The following STK25 variants were observed in gnomAD, a reference collection of about 807,000 sequenced individuals.
STK25 encodes serine/threonine-protein kinase 25.
Under a neutral mutation model 53.8 loss-of-function variants are expected in STK25, and 29 were observed. The observed-to-expected ratio is 0.54, with a 90% CI of 0.40 to 0.74. STK25 has a LOEUF of 0.74. Ranked by LOEUF, STK25 falls within the 30% of genes least tolerant of loss-of-function variation. STK25 has a pLI of 0.00. For missense variants in STK25, 420 were observed against 568.0 expected, an observed-to-expected ratio of 0.74 and a Z score of 2.65; for synonymous variants, 247 against 238.3, an observed-to-expected ratio of 1.04 and a Z score of -0.33.
chr2:241,499,007 G>T lies in STK25; in HGVS notation c.753C>A (p.Leu251=). 6.2e-7 allele frequency: 1 copy of T among 1,613,932 alleles called. No homozygotes were observed. Among genetic ancestry groups the T allele is most frequent in the South Asian group, 1.1e-5 (1 of 91,090 alleles). The change falls in exon 7 of 12, where the codon CTC becomes CTA. Residue 251 remains leucine (L), a synonymous_variant. Coordinates refer to ENST00000316586, the MANE Select transcript of STK25 (RefSeq NM_001271977.2). Reference sequence around the variant, plus strand: ...GCCTTACGAATCGGGGGTCTTTGTTGAGGCAGGCCTCCACGAACTCCTTGA... The same window carrying T: ...GCCTTACGAATCGGGGGTCTTTGTTTAGGCAGGCCTCCACGAACTCCTTGA... The part of the protein sequence containing the change: ...KPFKEFVEAC[L]NKDPRFRPTA...
At position 241,493,730 on chromosome 2, in the gene STK25, G is replaced by T. The variant is rs1485369023; in HGVS notation, c.*1932C>A. On this transcript the variant is annotated 3_prime_UTR_variant, in exon 12 of 12. Transcript: ENST00000316586. ...CTGCCTCAGCCTCCTGAGTAACTGA[G>T]ATTACAGGCATGCACGCCACGCCGC... 1.9e-6 allele frequency: 1 copy of T among 512,836 alleles called. No homozygotes were observed. The highest frequency in any genetic ancestry group is 3.5e-6 in the Non-Finnish European group (1 of 287,932). 31.8% of individuals were successfully genotyped at this position (512,836 alleles called of 1,614,324 possible). A position where few individuals can be genotyped will look rare whatever the true frequency, so the allele number is the denominator to read the frequency against.
chr2:241,497,886 C>CT (rs1317597505), intron 9 of STK25, among the ~76,000 whole-genome samples, 199 bp from the exon 10 acceptor site: 3 of 151,620 alleles, frequency 2.0e-5, no homozygotes, highest in African/African-American at 7.3e-5. Flanking sequence ...TCTCCTGACT[C>CT]TGAGGGCCTG....
intron 5 of STK25, chr2:241,499,812 C>A (rs1441825539): frequency 4.4e-6 from 2 of 458,086 alleles, no homozygotes; most frequent in East Asian, 8.9e-5. Context: ...TGGCAAGTCC[C>A]TCCCCATGGG....
chr2:241,503,812 C>T (rs915973315), intron 2 of STK25, among the ~76,000 whole-genome samples: 13 of 152,044 alleles, frequency 8.6e-5, no homozygotes, highest in South Asian at 4.2e-4. Context: ...CTGCGGAGAC[C>T]GTGCCCACCA....
Position 241,501,501 on chromosome 2 carries a change from G to T in STK25, c.238C>A (p.Arg80Ser), listed in dbSNP as rs771755240. Residue 80 changes from arginine to serine, a missense_variant, in exon 3 of 12, where the codon CGC becomes AGC. Transcript: ENST00000316586. The surrounding 1 kb of genome is among the most constrained non-coding windows in gnomAD (Gnocchi z 5.3). Reference protein sequence around the residue: ...LSQCDSPYITRYFGSYLKSTK... With the variant: ...LSQCDSPYITSYFGSYLKSTK... ...ACCTTTAGGTAGGAGCCAAAGTAGC[G>T]GGTGATGTAGGGGCTGTCGCACTGA... The T allele has an allele frequency of 6.2e-7, 1 of 1,614,040 alleles. No homozygotes were observed. Among genetic ancestry groups the T allele is most frequent in the Non-Finnish European group, 8.5e-7 (1 of 1,180,012 alleles).
chr2:241,508,682 T>C (rs2066007814), upstream of STK25: 2 of 985,586 alleles, frequency 2.0e-6, no homozygotes, highest in African/African-American at 3.5e-5. Flanking sequence ...GGAAGCCTGC[T>C]GGCGTTGGAC....
At chr2:241,508,328 G>A (rs1348934097) in intron 1 of STK25, 115 bp downstream of exon 1, 3 of 1,210,800 alleles carry the variant, frequency 2.5e-6, no homozygotes, top group Non-Finnish European at 3.1e-6. Flanking sequence ...CTCTTCCAAG[G>A]CAGCTTCCTC....
intron 2 of STK25, among the ~76,000 whole-genome samples, chr2:241,502,418 T>A (rs945136742): frequency 6.6e-6 from 1 of 152,072 alleles, no homozygotes; most frequent in Non-Finnish European, 1.5e-5. Context: ...TTACTTAATT[T>A]GTTATAAATC....
At chr2:241,506,801 G>T (rs965300186) in intron 2 of STK25, among the ~76,000 whole-genome samples, 6 of 152,128 alleles carry the variant, frequency 3.9e-5, no homozygotes, top group African/African-American at 1.4e-4. Context: ...TAAACTGGTG[G>T]CAGATTTTTC....
chr2:241,498,169 C>A, intron 9 of STK25, 66 bp downstream of exon 9: 1 of 1,446,924 alleles, frequency 6.9e-7, no homozygotes, highest in South Asian at 1.1e-5. Context: ...AAAGCTGGGT[C>A]CCGCATCCAG....
Position 241,494,442 on chromosome 2 carries a change from AC to A in STK25, c.*1219del, listed in dbSNP as rs1395482708. ...GCCTGAGCAGTGCTCTCGGCATCGG[AC>A]CAAAGCCTGGGCACACCCTGCCTCT... On this transcript the variant is annotated 3_prime_UTR_variant, in exon 12 of 12. Transcript: ENST00000316586. The surrounding 1 kb of genome is among the most constrained non-coding windows in gnomAD (Gnocchi z 4.9). The A allele has an allele frequency of 9.8e-6, 2 of 204,792 alleles. No individual in the cohort carries two copies. The highest frequency in any genetic ancestry group is 4.6e-5 in the African/African-American group (2 of 43,490). 12.7% of individuals were successfully genotyped at this position (204,792 alleles called of 1,614,324 possible).
intron 2 of STK25, chr2:241,503,952 C>A: frequency 2.2e-6 from 1 of 461,998 alleles, no homozygotes; most frequent in South Asian, 1.6e-5. Flanking sequence ...CAGCCTGAGG[C>A]GACACTTCCG....
At chr2:241,498,445 A>G in intron 8 of STK25, 96 bp from the exon 9 acceptor site, 3 of 1,314,362 alleles carry the variant, frequency 2.3e-6, no homozygotes, top group Non-Finnish European at 3.1e-6. Context: ...AACCCGAGGT[A>G]CCAGACGGGG....
chr2:241,502,523 A>G (rs1176726558), intron 2 of STK25, among the ~76,000 whole-genome samples: 1 of 152,152 alleles, frequency 6.6e-6, no homozygotes, highest in Non-Finnish European at 1.5e-5. Flanking sequence ...TGATCACCTG[A>G]AGTCAGGAGT....
chr2:241,508,791 G>A (rs2066013899), upstream of STK25: 1 of 972,886 alleles, frequency 1.0e-6, no homozygotes, highest in African/African-American at 1.8e-5. Context: ...GGTTTGGACT[G>A]CGTCTCCCGG....
chr2:241,500,654 G>A (rs973854484), intron 4 of STK25, 86 bp downstream of exon 4: 79 of 1,377,174 alleles, frequency 5.7e-5, no homozygotes, highest in Non-Finnish European at 7.7e-5. Flanking sequence ...GACACCAAAC[G>A]AGAGGTGGCC....
chr2:241,493,822 C>T lies in STK25; in HGVS notation c.*1840G>A. ...ATGTTGGCCAGGCTGGTCTCGAACTCCTGACCTCAAGTGATCCATCTGCCT... is the reference window on the plus strand; with the variant it reads ...ATGTTGGCCAGGCTGGTCTCGAACTTCTGACCTCAAGTGATCCATCTGCCT... On this transcript the variant is annotated 3_prime_UTR_variant, in exon 12 of 12. Transcript: ENST00000316586. The T allele has an allele frequency of 1.9e-6, 1 of 531,340 alleles. No homozygotes were observed. The highest frequency in any genetic ancestry group is 3.4e-6 in the Non-Finnish European group (1 of 296,210). The allele number at this position is 531,340 out of a possible 1,614,324, so 32.9% of individuals were successfully genotyped here.
Position 241,496,353 on chromosome 2 carries a change from T to A in STK25, c.1241+45A>T. ...TGGACCTCACCCCACGTCCAGCTTC[T>A]TGGTGGGGGTGCTCTCCCCGACCCT... On this transcript the variant is annotated intron_variant, in intron 11 of 11. Coordinates refer to ENST00000316586, the MANE Select transcript of STK25 (RefSeq NM_001271977.2). The surrounding 1 kb of genome is among the most constrained non-coding windows in gnomAD (Gnocchi z 5.8). The A allele has an allele frequency of 6.3e-7, 1 of 1,587,916 alleles. No individual in the cohort carries two copies. The highest frequency in any genetic ancestry group is 8.6e-7 in the Non-Finnish European group (1 of 1,162,530).
intron 11 of STK25, 139 bp from the exon 12 acceptor site, chr2:241,495,840 G>T: frequency 1.2e-6 from 1 of 824,506 alleles, no homozygotes; most frequent in Non-Finnish European, 2.0e-6. Flanking sequence ...CCAATGCACA[G>T]GGTCTCAGGA....
Sources: allele counts gnomAD v4.1 joint callset (sites outside exome capture counted in the v4.1 genomes callset), GRCh38; gene constraint gnomAD v4.1.1; non-coding constraint Gnocchi (gnomAD v3.1); transcripts MANE v1.5; gene names NCBI Gene and HGNC (gene_info 2026-07-23, HGNC 2026-07-21).